The following CTR9 variants were observed in gnomAD, a reference collection of about 807,000 sequenced individuals.
The protein encoded by CTR9 is CTR9 component of Paf1/RNA polymerase II complex.
Under a neutral mutation model 152.1 loss-of-function variants are expected in CTR9, and 41 were observed. The ratio of observed to expected loss-of-function variants is 0.27; its 90% confidence interval spans 0.21 to 0.35. The LOEUF (loss-of-function observed/expected upper bound fraction) is 0.35, where lower values mean the gene tolerates loss of function less well. Ranked by LOEUF, CTR9 falls within the 10% of genes least tolerant of loss-of-function variation. The pLI is 1.00. For synonymous variants in CTR9, 476 were observed against 496.2 expected (o/e 0.96, Z 0.54); for missense variants, 917 against 1,424.4 (o/e 0.64, Z 5.73).
chr11:10,766,532 C>T, intron 13 of CTR9, 42 bp downstream of exon 13: 4 of 1,380,228 alleles, frequency 2.9e-6, no homozygotes, highest in Non-Finnish European at 3.0e-6. Context: ...TAATTATTTT[C>T]ACTTTTCCTT....
At chr11:10,764,234 GA>G in intron 10 of CTR9, 33 bp downstream of exon 10, 2 of 1,613,188 alleles carry the variant, frequency 1.2e-6, no homozygotes, top group Non-Finnish European at 1.7e-6. Flanking sequence ...TCTCTCATAT[GA>G]TGTGTTTTTT....
chr11:10,764,638 A>G lies in CTR9; in HGVS notation c.1504A>G (p.Asn502Asp). 6.2e-7 allele frequency: 1 copy of G among 1,613,764 alleles called. No homozygotes were observed. Reference sequence around the variant, plus strand: ...CGCCATTTCCGTTACCACGTCATATAATCTCGCCAGGCTATATGAGGCGAT... The same window carrying G: ...CGCCATTTCCGTTACCACGTCATATGATCTCGCCAGGCTATATGAGGCGAT... ...YNAISVTTSY[N>D]LARLYEAMCE... The change falls in exon 12 of 25, where the codon AAT (asparagine) becomes GAT (aspartate). Residue 502 changes from asparagine to aspartate, a missense_variant. Asn to Asp is a conservative substitution (Grantham distance 23). Around this residue, in one of 9 missense-constraint regions of CTR9, gnomAD observed 133 missense variants for 244.1 expected, o/e 0.54. Transcript: ENST00000361367.
intron 4 of CTR9, 42 bp from the exon 5 acceptor site, chr11:10,756,707 C>T: frequency 1.5e-6 from 2 of 1,378,482 alleles, no homozygotes; most frequent in Non-Finnish European, 2.0e-6. Context: ...AGACTTGTAG[C>T]CTTTAATCAG....
chr11:10,765,649 G>C (rs1009159087), intron 12 of CTR9, among the ~76,000 whole-genome samples: 1 of 152,016 alleles, frequency 6.6e-6, no homozygotes, highest in Non-Finnish European at 1.5e-5. Context: ...TTTAGTAGAG[G>C]TGGGGTTTTG....
chr11:10,775,230 C>T lies in CTR9; in HGVS notation c.2909C>T (p.Ser970Phe). The change falls in exon 23 of 25, where the codon TCT (serine) becomes TTT (phenylalanine). Residue 970 changes from serine (S) to phenylalanine (F), a missense_variant. Transcript: ENST00000361367. Reference protein sequence around the residue: ...RRRHPKGEEGSDDDETENGPK... With the variant: ...RRRHPKGEEGFDDDETENGPK... ...AGACATCCAAAGGGAGAAGAAGGAT[C>T]TGATGATGATGAAACAGAAAATGGC... is the stretch of plus-strand genomic sequence containing the variant. 1 of 1,613,892 alleles carries T rather than the reference C, an allele frequency of 6.2e-7. No individual in the cohort carries two copies. Among genetic ancestry groups the T allele is most frequent in the Middle Eastern group, 1.6e-4 (1 of 6,062 alleles).
chr11:10,753,984 A>T (rs1862845394), intron 2 of CTR9, among the ~76,000 whole-genome samples: 1 of 152,180 alleles, frequency 6.6e-6, no homozygotes, highest in South Asian at 2.1e-4. Context: ...AGATTAGAGA[A>T]TATGTGTATG....
chr11:10,760,122 G>T, intron 5 of CTR9, 51 bp from the exon 6 acceptor site: 1 of 1,588,190 alleles, frequency 6.3e-7, no homozygotes, highest in South Asian at 1.1e-5. Flanking sequence ...TTTTGTAATT[G>T]AACTCTAAAA....
In CTR9 at chr11:10,779,733, C is replaced by G. The variant is rs1420683983; in HGVS notation, c.*628C>G. The stretch of plus-strand genomic sequence containing the variant: ...ACCTAAGCCACATAATAATAAAATT[C>G]TTTTACCAACTTTTATGGGTAACTT... On this transcript the variant is annotated 3_prime_UTR_variant, in exon 25 of 25. Coordinates refer to ENST00000361367, the MANE Select transcript of CTR9 (RefSeq NM_014633.5). 1 of 152,192 alleles carries G rather than the reference C, an allele frequency of 6.6e-6. No homozygotes were observed. Among genetic ancestry groups the G allele is most frequent in the Non-Finnish European group, 1.5e-5 (1 of 68,020 alleles). The allele number at this position is 152,192 out of a possible 1,614,324, so 9.4% of individuals were successfully genotyped here.
Position 10,778,750 on chromosome 11 carries a change from A to G in CTR9, c.3167A>G (p.Glu1056Gly). The change falls in exon 25 of 25, where the codon GAG becomes GGG. Residue 1056 changes from glutamate (E) to glycine (G), a missense_variant. Physicochemically the swap from Glu to Gly is moderately conservative, Grantham distance 98. Around this residue, in one of 9 missense-constraint regions of CTR9, gnomAD observed 384 missense variants for 398.4 expected, o/e 0.96. Transcript: ENST00000361367. ...CAACGAAAGAAATGTGCCTCATCAG[A>G]GAGTGATTCCGATGAGAACCAGAAC... ...DEQRKKCASS[E>G]SDSDENQNKS... 6.2e-7 allele frequency: 1 copy of G among 1,614,198 alleles called. No homozygotes were observed. Among genetic ancestry groups the G allele is most frequent in the Non-Finnish European group, 8.5e-7 (1 of 1,180,026 alleles).
Position 10,773,165 on chromosome 11 carries a change from A to G in CTR9, c.2619A>G (p.Lys873=), listed in dbSNP as rs149478071. ...KRLREKEEQK[K]LLEQRAQYVE... ...TCAGAGAAAAGGAAGAGCAAAAGAA[A>G]CTTTTGGAACAGCGGGCCCAGTATG... Residue 873 remains lysine, a synonymous_variant, in exon 21 of 25, where the codon AAA becomes AAG. Coordinates refer to ENST00000361367, the MANE Select transcript of CTR9 (RefSeq NM_014633.5). 7.0e-5 allele frequency: 112 copies of G among 1,609,934 alleles called. No homozygotes were observed. The highest frequency in any genetic ancestry group is 9.3e-5 in the Non-Finnish European group (110 of 1,179,196).
At position 10,764,573 on chromosome 11, in the gene CTR9, G is replaced by A. The variant is rs764489494; in HGVS notation, c.1439G>A (p.Arg480His). The A allele has an allele frequency of 5.0e-6, 8 of 1,611,474 alleles. No homozygotes were observed. The highest frequency in any genetic ancestry group is 1.6e-4 in the Middle Eastern group (1 of 6,062). Residue 480 changes from arginine to histidine, a missense_variant, in exon 12 of 25, where the codon CGT (arginine) becomes CAT (histidine). By Grantham distance (29) the Arg-to-His change is conservative. This residue lies in a region of CTR9 where 133 missense variants were observed against 244.1 expected (regional missense o/e 0.54). Coordinates refer to ENST00000361367, the MANE Select transcript of CTR9 (RefSeq NM_014633.5). ...AAATATTTTTTGGCGTCATTGGACC[G>A]TGCAAAAGCAGAAGCGGAACACGAT... ...AKKYFLASLD[R>H]AKAEAEHDEH...
At chr11:10,765,853 A>G (rs888383614) in intron 12 of CTR9, among the ~76,000 whole-genome samples, 12 of 152,204 alleles carry the variant, frequency 7.9e-5, no homozygotes, top group African/African-American at 2.9e-4. Flanking sequence ...GCCAGACTGA[A>G]TTTGAATTGA....
chr11:10,772,397 A>G (rs549625574), intron 19 of CTR9, 123 bp from the exon 20 acceptor site: 6 of 806,266 alleles, frequency 7.4e-6, no homozygotes, highest in Non-Finnish European at 1.0e-5. Flanking sequence ...TTAAAAAAAG[A>G]CTTCACATAG....
At chr11:10,771,712 T>TGTGGAAGG in intron 19 of CTR9, 96 bp downstream of exon 19, 1 of 824,228 alleles carries the variant, frequency 1.2e-6, no homozygotes, top group Non-Finnish European at 2.1e-6. Context: ...GTTCCTGACC[T>TGTGGAAGG]TCCACAGGTC....
intron 3 of CTR9, 106 bp downstream of exon 3, chr11:10,755,303 A>G (rs1862867565): frequency 1.5e-6 from 2 of 1,302,944 alleles, no homozygotes; most frequent in East Asian, 2.3e-5. Flanking sequence ...TTCAAGTAAC[A>G]TGGTTGATAG....
intron 24 of CTR9, among the ~76,000 whole-genome samples, chr11:10,777,328 T>C (rs1863256163): frequency 6.6e-6 from 1 of 152,028 alleles, no homozygotes; most frequent in African/African-American, 2.4e-5. Context: ...GGCCAGAAGT[T>C]TGAGACTAGC....
At chr11:10,755,634 A>G (rs12364940) in intron 3 of CTR9, 44 bp from the exon 4 acceptor site, 20 of 1,237,060 alleles carry the variant, frequency 1.6e-5, no homozygotes, top group Non-Finnish European at 2.2e-5. Flanking sequence ...TTACATGTTC[A>G]TGGTATATAG....
At position 10,751,412 on chromosome 11, in the gene CTR9, C is replaced by A. The variant is rs1717077803; in HGVS notation, c.-1C>A. Reference sequence around the variant, plus strand: ...ACACTTGCTCGCCTTTTGACCCCATCATGTCGCGGGGCTCCATCGAGATTC... The same window carrying A: ...ACACTTGCTCGCCTTTTGACCCCATAATGTCGCGGGGCTCCATCGAGATTC... On this transcript the variant is annotated 5_prime_UTR_variant, in exon 1 of 25. Transcript: ENST00000361367. The A allele has an allele frequency of 6.2e-7, 1 of 1,613,280 alleles. No homozygotes were observed. The highest frequency in any genetic ancestry group is 8.5e-7 in the Non-Finnish European group (1 of 1,180,008).
intron 16 of CTR9, among the ~76,000 whole-genome samples, chr11:10,769,018 C>T (rs1314316164): frequency 2.6e-5 from 4 of 152,112 alleles, no homozygotes; most frequent in East Asian, 1.9e-4. Flanking sequence ...GTCAGGAGTT[C>T]GAGACCAGCC....
Sources: gnomAD v4.1 joint callset for allele counts (sites outside exome capture counted in the v4.1 genomes callset) on GRCh38, gnomAD v4.1.1 for gene constraint, gnomAD v4.1.1 regional missense constraint, MANE v1.5 for transcripts, NCBI Gene and HGNC (gene_info 2026-07-23, HGNC 2026-07-21) for gene names.